The following CNTN5 variants were observed in gnomAD, a reference collection of about 807,000 sequenced individuals.
The protein encoded by CNTN5 is contactin 5, also known as contactin-5.
A neutral mutation model predicts 129.1 loss-of-function variants in CNTN5; 77 were observed. The observed-to-expected ratio is 0.60, with a 90% CI of 0.50 to 0.72. The LOEUF (loss-of-function observed/expected upper bound fraction) is 0.72. Among genes scored for constraint, CNTN5 ranks in the 30% least tolerant of loss-of-function variants. The probability of loss-of-function intolerance (pLI) is 0.00; values close to 1 mark genes in which losing one functional copy is unlikely to be tolerated. For missense variants in CNTN5, 1,478 were observed against 1,328.8 expected (o/e 1.11, Z -1.75); for synonymous variants, 509 against 465.6 (o/e 1.09, Z -1.20).
chr11:99,429,972 C>A (rs118094708), intron 2 of CNTN5, among the ~76,000 whole-genome samples: 2,054 of 151,764 alleles, frequency 0.014, 26 homozygotes, highest in Non-Finnish European at 0.019. Context: ...ATATTTGATA[C>A]CCTCAAAAGC....
In CNTN5 at chr11:100,300,282, C is replaced by T. The variant is rs543366374; in HGVS notation, c.2620+886C>T. ...GGTGAAAGTATAATAATAGATCTAG[C>T]CCCCTAAAGTTAGCTTTTCCTCTTA... On this transcript the variant is annotated intron_variant, in intron 20 of 24. Transcript: ENST00000524871. 2.7e-3 allele frequency among the ~76,000 whole-genome samples: 407 copies of T among 151,432 alleles called. 2 individuals are homozygous for T. The highest frequency in any genetic ancestry group is 9.2e-3 in the African/African-American group (382 of 41,448).
At chr11:99,524,481 C>T (rs10893458) in intron 2 of CNTN5, among the ~76,000 whole-genome samples, 1 of 151,670 alleles carries the variant, frequency 6.6e-6, no homozygotes, top group Non-Finnish European at 1.5e-5. Flanking sequence ...ATTTGTACAG[C>T]GAAATCATGA....
At chr11:99,916,304 G>T (rs146374439) in intron 7 of CNTN5, among the ~76,000 whole-genome samples, 155 bp downstream of exon 7, 1 of 152,090 alleles carries the variant, frequency 6.6e-6, no homozygotes, top group Admixed American at 6.6e-5. Context: ...TCAAGATCAC[G>T]TACTCTAAAT....
At chr11:99,575,278 A>T (rs1456796889) in intron 3 of CNTN5, among the ~76,000 whole-genome samples, 1 of 152,186 alleles carries the variant, frequency 6.6e-6, no homozygotes, top group East Asian at 1.9e-4. Context: ...AGTTAAGAGA[A>T]GTGAAAAAGA....
chr11:99,151,924 A>G (rs980319602), intron 1 of CNTN5, among the ~76,000 whole-genome samples: 6 of 152,140 alleles, frequency 3.9e-5, no homozygotes, highest in African/African-American at 1.2e-4. Context: ...AATGTAGATG[A>G]CGGGTTGATG....
intron 16 of CNTN5, among the ~76,000 whole-genome samples, chr11:100,243,443 C>T (rs1465952382): frequency 6.6e-6 from 1 of 152,168 alleles, no homozygotes; most frequent in Non-Finnish European, 1.5e-5. Context: ...CCTTGATCTC[C>T]ACCTTGGGAC....
At chr11:99,724,345 A>G (rs754024821) in intron 3 of CNTN5, among the ~76,000 whole-genome samples, 16 of 152,136 alleles carry the variant, frequency 1.1e-4, no homozygotes, top group Admixed American at 2.0e-4. Flanking sequence ...GAGACGTTGT[A>G]TCCATGTCTC....
intron 3 of CNTN5, among the ~76,000 whole-genome samples, chr11:99,655,882 C>A (rs1952338496): frequency 6.6e-6 from 1 of 151,860 alleles, no homozygotes; most frequent in Non-Finnish European, 1.5e-5. Flanking sequence ...TTTTAATATT[C>A]CATTTAGCTA....
At chr11:99,875,040 C>G (rs1420702209) in intron 6 of CNTN5, among the ~76,000 whole-genome samples, 1 of 152,102 alleles carries the variant, frequency 6.6e-6, no homozygotes. Context: ...ACTGGAGGTG[C>G]TCATTGCTGT....
Position 100,357,837 on chromosome 11 carries a change from T to G in CNTN5, c.*1617T>G, listed in dbSNP as rs967513445. Reference sequence around the variant, plus strand: ...TGAAAGAATAGTTTCAGAGCCACAGTAAAAGTCTGTATGTAGGTTACATAT... The same window carrying G: ...TGAAAGAATAGTTTCAGAGCCACAGGAAAAGTCTGTATGTAGGTTACATAT... On this transcript the variant is annotated 3_prime_UTR_variant, in exon 25 of 25. Coordinates refer to ENST00000524871, the MANE Select transcript of CNTN5 (RefSeq NM_014361.4). 1 of 151,784 alleles carries G rather than the reference T, an allele frequency of 6.6e-6. No homozygotes were observed. The highest frequency in any genetic ancestry group is 2.4e-5 in the African/African-American group (1 of 41,388). 9.4% of individuals were successfully genotyped at this position (151,784 alleles called of 1,614,324 possible).
At chr11:99,091,303 C>A (rs148878372) in intron 1 of CNTN5, among the ~76,000 whole-genome samples, 6 of 152,248 alleles carry the variant, frequency 3.9e-5, no homozygotes, top group Non-Finnish European at 8.8e-5. Context: ...CACCTTGAAT[C>A]CAGGTAGACC....
intron 13 of CNTN5, among the ~76,000 whole-genome samples, chr11:100,150,047 G>GAA (rs374438389): frequency 1.3e-5 from 2 of 152,068 alleles, no homozygotes; most frequent in Non-Finnish European, 2.9e-5. Flanking sequence ...GGTGTGGAGA[G>GAA]AAAACAGTAT....
chr11:99,242,999 AG>A (rs995308490), intron 1 of CNTN5, among the ~76,000 whole-genome samples: 17 of 152,342 alleles, frequency 1.1e-4, no homozygotes, highest in African/African-American at 3.6e-4. Context: ...ATATACACCC[AG>A]TAATGGGATT....
chr11:99,744,843 T>G (rs1258242180), intron 3 of CNTN5, among the ~76,000 whole-genome samples: 1 of 152,108 alleles, frequency 6.6e-6, no homozygotes, highest in African/African-American at 2.4e-5. Context: ...GCACATACTA[T>G]GTAGGGAAAG....
chr11:99,144,215 C>A (rs984445768), intron 1 of CNTN5, among the ~76,000 whole-genome samples: 3 of 152,056 alleles, frequency 2.0e-5, no homozygotes, highest in African/African-American at 7.2e-5. Context: ...TTTGCCTAAC[C>A]AAATTGAGAA....
intron 1 of CNTN5, among the ~76,000 whole-genome samples, chr11:99,104,300 T>C (rs1477291346): frequency 2.0e-5 from 3 of 152,048 alleles, no homozygotes; most frequent in Non-Finnish European, 4.4e-5. Flanking sequence ...GGATAACTAT[T>C]GGAGGCTGTC....
intron 23 of CNTN5, among the ~76,000 whole-genome samples, chr11:100,347,686 CTG>C (rs1190139924): frequency 6.6e-6 from 1 of 152,022 alleles, no homozygotes; most frequent in Non-Finnish European, 1.5e-5. Flanking sequence ...CTCACTGATA[CTG>C]TGTCTCCCAA....
chr11:99,691,453 GT>G (rs1421308180), intron 3 of CNTN5, among the ~76,000 whole-genome samples: 1 of 151,822 alleles, frequency 6.6e-6, no homozygotes, highest in South Asian at 2.1e-4. Flanking sequence ...TTGTATCTTT[GT>G]TTTTTATTAT....
At chr11:99,466,761 C>T (rs1438739118) in intron 2 of CNTN5, among the ~76,000 whole-genome samples, 4 of 152,190 alleles carry the variant, frequency 2.6e-5, no homozygotes, top group African/African-American at 9.7e-5. Context: ...CAGCACATCA[C>T]CTCCAAAGCC....
Sources: allele counts gnomAD v4.1 joint callset (sites outside exome capture counted in the v4.1 genomes callset), GRCh38; gene constraint gnomAD v4.1.1; transcripts MANE v1.5; gene names NCBI Gene and HGNC (gene_info 2026-07-23, HGNC 2026-07-21).